LHFPL2: variants seen among roughly 807,000 people sequenced by gnomAD.
LHFPL2 encodes LHFPL tetraspan subfamily member 2.
A neutral mutation model predicts 17.5 loss-of-function variants in LHFPL2; 7 were observed. That is an observed-to-expected ratio of 0.40 (90% CI 0.23 to 0.75). LHFPL2 has a LOEUF of 0.75. Among genes scored for constraint, LHFPL2 ranks in the 30% least tolerant of loss-of-function variants. The pLI is 0.37. For missense variants in LHFPL2, 241 were observed against 294.8 expected (o/e 0.82, Z 1.34); for synonymous variants, 134 against 116.2 (o/e 1.15, Z -0.99).
chr5:78,514,066 C>T (rs1232796832), intron 3 of LHFPL2, among the ~76,000 whole-genome samples: 2 of 152,156 alleles, frequency 1.3e-5, no homozygotes, highest in Non-Finnish European at 2.9e-5. Flanking sequence ...GAAAGAGATC[C>T]TCATGACAGA....
At chr5:78,609,663 G>A (rs1718627451) in intron 2 of LHFPL2, among the ~76,000 whole-genome samples, 1 of 151,986 alleles carries the variant, frequency 6.6e-6, no homozygotes, top group African/African-American at 2.4e-5. Context: ...TGTACATGAT[G>A]ATCATCAAAA....
At chr5:78,601,904 T>TA (rs1179035939) in intron 2 of LHFPL2, among the ~76,000 whole-genome samples, 2 of 152,150 alleles carry the variant, frequency 1.3e-5, no homozygotes, top group African/African-American at 4.8e-5. Context: ...TCCACAATCA[T>TA]AAATACTGCT....
intron 2 of LHFPL2, among the ~76,000 whole-genome samples, chr5:78,607,010 T>G (rs1744237702): frequency 6.6e-6 from 1 of 152,108 alleles, no homozygotes; most frequent in African/African-American, 2.4e-5. Context: ...GCATTCTGAT[T>G]TGCCTTGCAG....
intron 2 of LHFPL2, among the ~76,000 whole-genome samples, chr5:78,582,942 A>T (rs995485153): frequency 6.6e-6 from 1 of 152,186 alleles, no homozygotes; most frequent in Non-Finnish European, 1.5e-5. Context: ...TAGGTCACTC[A>T]GGACTTGCTT....
intron 4 of LHFPL2, among the ~76,000 whole-genome samples, chr5:78,497,150 A>G (rs1368457227): frequency 6.6e-6 from 1 of 152,200 alleles, no homozygotes; most frequent in Non-Finnish European, 1.5e-5. Context: ...CCTTGCTATC[A>G]TCTTTGACTC....
chr5:78,572,519 CAT>C (rs202198749), intron 2 of LHFPL2, among the ~76,000 whole-genome samples: 4,445 of 60,006 alleles, frequency 0.074, 98 homozygotes, highest in Non-Finnish European at 0.13. Flanking sequence ...TATACACACA[CAT>C]ATATATATAT....
chr5:78,514,730 C>T (rs1755240208), intron 3 of LHFPL2, among the ~76,000 whole-genome samples: 2 of 152,182 alleles, frequency 1.3e-5, no homozygotes, highest in African/African-American at 4.8e-5. Flanking sequence ...TCAAAAAGCT[C>T]TCACTCCCCA....
At position 78,556,852 on chromosome 5, in the gene LHFPL2, G is replaced by A. The variant is rs75270321; in HGVS notation, c.-186+7961C>T. Among the ~76,000 whole-genome samples, 326 of 152,290 alleles carry A rather than the reference G, an allele frequency of 2.1e-3. 2 individuals carry two copies. The East Asian group carries it at 0.031, about 14-fold the overall frequency. On this transcript the variant is annotated intron_variant, in intron 3 of 4. Transcript: ENST00000380345. ...ACTTGGACAGTAGATTACCAGTGGT[G>A]ACCCCTAAGGGAACTGATTTTTTCC...
chr5:78,611,103 T>G (rs148814964), intron 2 of LHFPL2, among the ~76,000 whole-genome samples: 1 of 152,204 alleles, frequency 6.6e-6, no homozygotes. Context: ...TCTAAGACAA[T>G]TTTGTTTGGT....
intron 2 of LHFPL2, among the ~76,000 whole-genome samples, chr5:78,604,215 T>C (rs1183742604): frequency 6.6e-6 from 1 of 152,204 alleles, no homozygotes; most frequent in Non-Finnish European, 1.5e-5. Context: ...TGGTGGCTCA[T>C]GCCTGTAATC....
At chr5:78,575,419 C>T (rs553793504) in intron 2 of LHFPL2, among the ~76,000 whole-genome samples, 42 of 151,910 alleles carry the variant, frequency 2.8e-4, no homozygotes, top group African/African-American at 9.4e-4. Flanking sequence ...CGTGGTGGCA[C>T]GCACCTGTAG....
intron 2 of LHFPL2, among the ~76,000 whole-genome samples, chr5:78,623,294 A>G (rs993591078): frequency 2.6e-5 from 4 of 152,232 alleles, no homozygotes; most frequent in African/African-American, 9.7e-5. Context: ...GAATCTTACG[A>G]ATACAGAACT....
intron 4 of LHFPL2, 100 bp from the exon 5 acceptor site, chr5:78,489,253 G>T: frequency 1.5e-6 from 2 of 1,336,566 alleles, no homozygotes; most frequent in Non-Finnish European, 2.1e-6. Flanking sequence ...TTGGGCAAGG[G>T]CATCTATTCT....
intron 4 of LHFPL2, among the ~76,000 whole-genome samples, chr5:78,507,337 AAAAAG>A (rs543922451): frequency 6.6e-4 from 100 of 152,150 alleles, no homozygotes; most frequent in African/African-American, 2.2e-3. Context: ...CTTAAAAAAA[AAAAAG>A]AAAAGAAAAA....
chr5:78,503,328 A>G (rs1754830123), intron 4 of LHFPL2, among the ~76,000 whole-genome samples: 1 of 152,254 alleles, frequency 6.6e-6, no homozygotes, highest in Admixed American at 6.5e-5. Context: ...TTTTATTTGC[A>G]TATCAACTGC....
intron 3 of LHFPL2, among the ~76,000 whole-genome samples, chr5:78,540,066 A>G (rs1756065002): frequency 6.6e-6 from 1 of 152,232 alleles, no homozygotes; most frequent in African/African-American, 2.4e-5. Context: ...GGAAGTTTTT[A>G]GAAGTGCACA....
chr5:78,490,449 T>C (rs1754400637), intron 4 of LHFPL2, among the ~76,000 whole-genome samples: 1 of 152,080 alleles, frequency 6.6e-6, no homozygotes, highest in East Asian at 1.9e-4. Flanking sequence ...TTTAAAACTT[T>C]CTTGGTAACA....
chr5:78,497,738 A>G (rs1754651762), intron 4 of LHFPL2, among the ~76,000 whole-genome samples: 1 of 152,262 alleles, frequency 6.6e-6, no homozygotes, highest in Non-Finnish European at 1.5e-5. Flanking sequence ...CTACACAGTT[A>G]CTACTGAAAC....
chr5:78,608,809 G>A (rs187273288), intron 2 of LHFPL2, among the ~76,000 whole-genome samples: 9 of 152,088 alleles, frequency 5.9e-5, no homozygotes, highest in Non-Finnish European at 1.3e-4. Flanking sequence ...GCGGGCGCCT[G>A]TGGTCCCAGC....
Sources: gnomAD v4.1 joint callset for allele counts (sites outside exome capture counted in the v4.1 genomes callset) on GRCh38, gnomAD v4.1.1 for gene constraint, MANE v1.5 for transcripts, NCBI Gene and HGNC (gene_info 2026-07-23, HGNC 2026-07-21) for gene names.